TRIM5: variants seen among roughly 807,000 people sequenced by gnomAD.
The protein encoded by TRIM5 is tripartite motif containing 5.
A neutral mutation model predicts 35.6 loss-of-function variants in TRIM5; 31 were observed. The ratio of observed to expected loss-of-function variants is 0.87; its 90% CI spans 0.65 to 1.18. The LOEUF (loss-of-function observed/expected upper bound fraction) is 1.18, where lower values mean the gene tolerates loss of function less well. Ranked by LOEUF, TRIM5 falls within the 50% of genes most tolerant of loss-of-function variation. The probability of loss-of-function intolerance (pLI) is 0.00; values close to 1 mark genes in which losing one functional copy is unlikely to be tolerated. For synonymous variants in TRIM5, 243 were observed against 215.6 expected, an observed-to-expected ratio of 1.13 and a Z score of -1.11; for missense variants, 609 against 591.6, an observed-to-expected ratio of 1.03 and a Z score of -0.31.
At chr11:5,641,171 T>G in the TRIM5 span, 1 of 1,613,816 alleles carries the variant, frequency 6.2e-7, no homozygotes, top group South Asian at 1.1e-5. Context: ...TTCTAGGACA[T>G]GAGTGGAATC....
At chr11:5,642,747 A>T in the TRIM5 span, 1 of 1,596,604 alleles carries the variant, frequency 6.3e-7, no homozygotes, top group Non-Finnish European at 8.5e-7. Context: ...CCCTACTCTA[A>T]AGAATATATA....
the TRIM5 span, among the ~76,000 whole-genome samples, chr11:5,593,946 G>A: frequency 6.6e-6 from 1 of 152,152 alleles, no homozygotes; most frequent in South Asian, 2.1e-4. Context: ...GTATTCCACT[G>A]TATTGGGTAT....
chr11:5,669,322 C>A lies in TRIM5; in HGVS notation c.745-1611G>T, dbSNP rs377039892. On this transcript the variant is annotated intron_variant, in intron 4 of 7. Coordinates refer to ENST00000380034, the MANE Select transcript of TRIM5 (RefSeq NM_033034.3). Reference sequence around the variant, plus strand: ...CTTGAACTCCCAACCTCAGGCGATCCGCCTGCCTCAGCCTCCCTAAGTGCT... The same window carrying A: ...CTTGAACTCCCAACCTCAGGCGATCAGCCTGCCTCAGCCTCCCTAAGTGCT... Among the ~76,000 whole-genome samples the A allele has an allele frequency of 2.0e-5, 3 of 152,136 alleles. No homozygotes were observed. The East Asian group carries it at 5.8e-4, about 29-fold the overall frequency.
At chr11:5,609,016 C>T in the TRIM5 span, among the ~76,000 whole-genome samples, 1 of 151,956 alleles carries the variant, frequency 6.6e-6, no homozygotes, top group East Asian at 1.9e-4. Context: ...GCACATCTGC[C>T]TTAAGTTTTT....
chr11:5,635,783 T>G, the TRIM5 span, among the ~76,000 whole-genome samples: 1 of 152,228 alleles, frequency 6.6e-6, no homozygotes, highest in Admixed American at 6.5e-5. Context: ...TTTTTCCTTT[T>G]GTCTTCTTTT....
rs758065571 is a variant in TRIM5, at chr11:5,680,194, C to T, written c.-17G>A. 4.4e-6 allele frequency: 7 copies of T among 1,576,364 alleles called. No individual in the cohort carries two copies. In the Admixed American group the frequency reaches 7.0e-5, roughly 16 times the overall value. ...AGAAGCCATAGTAGCTATTCCACTG[C>T]TCCTGCCTGTCCTGGCTGCTGAGGT... is the stretch of plus-strand genomic sequence containing the variant. On this transcript the variant is annotated 5_prime_UTR_variant, in exon 2 of 8. Transcript: ENST00000380034.
chr11:5,626,019 A>G, the TRIM5 span, among the ~76,000 whole-genome samples: 1 of 152,226 alleles, frequency 6.6e-6, no homozygotes, highest in Non-Finnish European at 1.5e-5. Flanking sequence ...CTTGATTGAT[A>G]TGTTACAGAT....
Position 5,663,551 on chromosome 11 carries a change from C to T in TRIM5, c.*1258G>A. 1.2e-5 allele frequency: 12 copies of T among 971,726 alleles called. No homozygotes were observed. Among genetic ancestry groups the T allele is most frequent in the Non-Finnish European group, 1.5e-5 (12 of 817,470 alleles). 60.2% of individuals were successfully genotyped at this position (971,726 alleles called of 1,614,324 possible). A position where few individuals can be genotyped will look rare whatever the true frequency, so the allele number is the denominator to read the frequency against. Reference sequence around the variant, plus strand: ...AACAAGTACTTATTAGATCAAGACACTTAGATAGATGCTTTATACTTCAGG... The same window carrying T: ...AACAAGTACTTATTAGATCAAGACATTTAGATAGATGCTTTATACTTCAGG... On this transcript the variant is annotated 3_prime_UTR_variant, in exon 8 of 8. Transcript: ENST00000380034.
At chr11:5,648,541 C>T in the TRIM5 span, among the ~76,000 whole-genome samples, 5 of 152,030 alleles carry the variant, frequency 3.3e-5, no homozygotes, top group Admixed American at 1.3e-4. Context: ...AAATAAATAA[C>T]AGCTTCTCCT....
chr11:5,641,981 G>A, the TRIM5 span, among the ~76,000 whole-genome samples: 1 of 152,128 alleles, frequency 6.6e-6, no homozygotes, highest in African/African-American at 2.4e-5. Flanking sequence ...CCGTATCACA[G>A]TCAGGATCTA....
chr11:5,674,775 A>G (rs1391445127), intron 4 of TRIM5, among the ~76,000 whole-genome samples: 1 of 152,258 alleles, frequency 6.6e-6, no homozygotes, highest in Non-Finnish European at 1.5e-5. Flanking sequence ...GACTTTAAGT[A>G]AAGTAAGTCA....
downstream of TRIM5, among the ~76,000 whole-genome samples, chr11:5,658,945 T>C (rs1023894489): frequency 6.6e-6 from 1 of 152,104 alleles, no homozygotes; most frequent in Non-Finnish European, 1.5e-5. Flanking sequence ...AGGTGGGAAT[T>C]GAACAATGAG....
At chr11:5,591,474 C>G in the TRIM5 span, among the ~76,000 whole-genome samples, 1 of 152,150 alleles carries the variant, frequency 6.6e-6, no homozygotes, top group East Asian at 1.9e-4. Context: ...CATGGAGAAA[C>G]CCTGTCTCTA....
rs983452959 is a variant in TRIM5, at chr11:5,664,297, G to A, written c.*512C>T. ...TACACTGCTGGTATATGGAGAGACA[G>A]GAGTTGAACTGAGATCCTCTAGATA... On this transcript the variant is annotated 3_prime_UTR_variant, in exon 8 of 8. Transcript: ENST00000380034. 1 of 986,018 alleles carries A rather than the reference G, an allele frequency of 1.0e-6. No individual in the cohort carries two copies. Among genetic ancestry groups the A allele is most frequent in the Non-Finnish European group, 1.2e-6 (1 of 830,472 alleles). 61.1% of individuals were successfully genotyped at this position (986,018 alleles called of 1,614,324 possible). A position where few individuals can be genotyped will look rare whatever the true frequency, so the allele number is the denominator to read the frequency against.
At chr11:5,629,777 G>C in the TRIM5 span, among the ~76,000 whole-genome samples, 5 of 152,100 alleles carry the variant, frequency 3.3e-5, no homozygotes, top group Non-Finnish European at 4.4e-5. Flanking sequence ...GTGCGATCTC[G>C]GCTCACTGGA....
chr11:5,683,708 T>A (rs1250088320), intron 1 of TRIM5, among the ~76,000 whole-genome samples: 1 of 151,988 alleles, frequency 6.6e-6, no homozygotes, highest in African/African-American at 2.4e-5. Context: ...GCTAATCTAG[T>A]GGGGACTGGA....
chr11:5,640,971 G>A, the TRIM5 span, among the ~76,000 whole-genome samples: 1 of 151,170 alleles, frequency 6.6e-6, no homozygotes, highest in African/African-American at 2.4e-5. Flanking sequence ...TTTCCTTAAG[G>A]TCAGTAGTAA....
At chr11:5,645,392 C>CAAAAAA in the TRIM5 span, among the ~76,000 whole-genome samples, 1 of 95,780 alleles carries the variant, frequency 1.0e-5, no homozygotes, top group Non-Finnish European at 2.0e-5. Context: ...AACTCTGTCT[C>CAAAAAA]AAAAAAAAAA....
At chr11:5,671,694 A>C (rs942093067) in intron 4 of TRIM5, among the ~76,000 whole-genome samples, 2 of 152,140 alleles carry the variant, frequency 1.3e-5, no homozygotes, top group Admixed American at 1.3e-4. Flanking sequence ...AGATGTCATA[A>C]TGTAGCAATG....
Sources: allele counts gnomAD v4.1 joint callset (sites outside exome capture counted in the v4.1 genomes callset), GRCh38; gene constraint gnomAD v4.1.1; transcripts MANE v1.5; gene names NCBI Gene and HGNC (gene_info 2026-07-23, HGNC 2026-07-21).